MBNL2: variants seen among roughly 807,000 people sequenced by gnomAD.
The protein encoded by MBNL2 is muscleblind-like protein 2.
A neutral mutation model predicts 41.9 loss-of-function variants in MBNL2; 17 were observed. The observed-to-expected ratio is 0.41, with a 90% CI of 0.28 to 0.61. The LOEUF is 0.61. Among genes scored for constraint, MBNL2 ranks in the 20% least tolerant of loss-of-function variants. The probability of loss-of-function intolerance (pLI) is 0.35; values close to 1 mark genes in which losing one functional copy is unlikely to be tolerated. For synonymous variants in MBNL2, 195 were observed against 182.9 expected (o/e 1.07, Z -0.53); for missense variants, 336 against 505.6 (o/e 0.66, Z 3.22).
intron 8 of MBNL2, among the ~76,000 whole-genome samples, chr13:97,374,978 G>T (rs1484824898): frequency 2.0e-5 from 3 of 152,140 alleles, no homozygotes; most frequent in Non-Finnish European, 4.4e-5. Context: ...GCTGTGAGCG[G>T]AATGGAATTC....
the MBNL2 span, among the ~76,000 whole-genome samples, chr13:97,215,976 C>T: frequency 6.6e-6 from 1 of 152,182 alleles, no homozygotes; most frequent in South Asian, 2.1e-4. Context: ...ATGTTCTATG[C>T]TAAGGGAGTC....
At chr13:97,387,286 G>A (rs748540469) in intron 8 of MBNL2, among the ~76,000 whole-genome samples, 6 of 152,120 alleles carry the variant, frequency 3.9e-5, no homozygotes, top group Non-Finnish European at 8.8e-5. Context: ...GCGGCACTGT[G>A]GTGCGGTAGG....
intron 2 of MBNL2, among the ~76,000 whole-genome samples, chr13:97,297,714 G>A (rs2057204371): frequency 6.6e-6 from 1 of 152,200 alleles, no homozygotes; most frequent in African/African-American, 2.4e-5. Context: ...AGGCCTTGCT[G>A]CATGTTGAGG....
Position 97,394,052 on chromosome 13 carries a change from T to C in MBNL2, c.*2603T>C, listed in dbSNP as rs2153176282. The C allele has an allele frequency of 6.5e-6, 1 of 152,758 alleles. No homozygotes were observed. Among genetic ancestry groups the C allele is most frequent in the East Asian group, 1.9e-4 (1 of 5,182 alleles). 9.5% of individuals were successfully genotyped at this position (152,758 alleles called of 1,614,324 possible). On this transcript the variant is annotated 3_prime_UTR_variant, in exon 9 of 9. Transcript: ENST00000679496. ...GAGTCTAATTTGTATCAATACTATG[T>C]TTTGGTTGTAATATTCAGTTCACTC...
chr13:97,212,711 A>G, the MBNL2 span, among the ~76,000 whole-genome samples: 1 of 152,182 alleles, frequency 6.6e-6, no homozygotes, highest in Non-Finnish European at 1.5e-5. Context: ...ACACAATAGC[A>G]TTGTGCTTGA....
At chr13:97,298,684 A>C (rs1406999753) in intron 2 of MBNL2, among the ~76,000 whole-genome samples, 1 of 152,186 alleles carries the variant, frequency 6.6e-6, no homozygotes, top group Non-Finnish European at 1.5e-5. Context: ...TCTGTCAATA[A>C]ATCACCAATA....
At position 97,229,052 on chromosome 13, in the gene MBNL2, G is replaced by GTA. The variant is rs576675756; in HGVS notation, c.-605+6522_-605+6523dup. Among the ~76,000 whole-genome samples, 90 of 150,922 alleles carry GTA rather than the reference G, an allele frequency of 6.0e-4. 4 individuals carry two copies. In the South Asian group the frequency reaches 0.014, roughly 24 times the overall value. On this transcript the variant is annotated intron_variant, in intron 1 of 8. Coordinates refer to ENST00000679496, the MANE Select transcript of MBNL2 (RefSeq NM_001382683.1). Reference sequence around the variant, plus strand: ...CTTTTAATGGATGTTGCGTAATTGAGTAGAGCCCAACCCAAGCAATTTTGA... The same window carrying GTA: ...CTTTTAATGGATGTTGCGTAATTGAGTATAGAGCCCAACCCAAGCAATTTTGA...
the MBNL2 span, among the ~76,000 whole-genome samples, chr13:97,181,721 A>T: frequency 6.6e-6 from 1 of 152,226 alleles, no homozygotes; most frequent in Non-Finnish European, 1.5e-5. Context: ...ATTCAGTAAG[A>T]GGACAGCTAT....
At chr13:97,357,330 T>C in intron 6 of MBNL2, 152 bp from the exon 7 acceptor site, 1 of 645,360 alleles carries the variant, frequency 1.5e-6, no homozygotes, top group Non-Finnish European at 2.7e-6. Flanking sequence ...TCTCACTCAT[T>C]CGACATTGCC....
At chr13:97,219,634 G>A (rs749433101), upstream of MBNL2, among the ~76,000 whole-genome samples, 2 of 152,070 alleles carry the variant, frequency 1.3e-5, no homozygotes, top group East Asian at 1.9e-4. Context: ...AAATCCCATC[G>A]TGAAGACTCC....
rs552592588 is a variant in MBNL2 at position 97,364,631 on chromosome 13, A to T, written c.1013-505A>T. On this transcript the variant is annotated intron_variant, in intron 7 of 8. Coordinates refer to ENST00000679496, the MANE Select transcript of MBNL2 (RefSeq NM_001382683.1). ...AACATTTACAGTCAAACAAACAAGTAAACGTTTAATGCAGTAAGTTCAGTG... is the reference window on the plus strand; with the variant it reads ...AACATTTACAGTCAAACAAACAAGTTAACGTTTAATGCAGTAAGTTCAGTG... Among the ~76,000 whole-genome samples the T allele has an allele frequency of 5.8e-4, 89 of 152,340 alleles. 2 individuals carry two copies. In the South Asian group the frequency reaches 0.017, roughly 29 times the overall value.
At chr13:97,331,492 C>A (rs9584552) in intron 2 of MBNL2, among the ~76,000 whole-genome samples, 1 of 151,968 alleles carries the variant, frequency 6.6e-6, no homozygotes, top group Non-Finnish European at 1.5e-5. Flanking sequence ...TTATGCATCC[C>A]ATTATTATAC....
the MBNL2 span, among the ~76,000 whole-genome samples, chr13:97,181,633 T>C: frequency 6.6e-6 from 1 of 152,160 alleles, no homozygotes; most frequent in African/African-American, 2.4e-5. Flanking sequence ...TAGAAATTGG[T>C]TCAGCTTTTT....
At chr13:97,229,672 A>C (rs1434235525) in intron 1 of MBNL2, among the ~76,000 whole-genome samples, 1 of 152,096 alleles carries the variant, frequency 6.6e-6, no homozygotes, top group Non-Finnish European at 1.5e-5. Context: ...TTGACCTTGG[A>C]GATGGAGATG....
intron 2 of MBNL2, among the ~76,000 whole-genome samples, chr13:97,284,786 T>C (rs1858769504): frequency 6.6e-6 from 1 of 152,232 alleles, no homozygotes; most frequent in Admixed American, 6.5e-5. Context: ...CAAACTGGCG[T>C]TCCATGATTA....
At chr13:97,182,923 A>G in the MBNL2 span, among the ~76,000 whole-genome samples, 1 of 152,194 alleles carries the variant, frequency 6.6e-6, no homozygotes, top group South Asian at 2.1e-4. Flanking sequence ...ATTATGAGTT[A>G]CCCCAAGTAT....
chr13:97,292,290 G>A (rs2056278912), intron 2 of MBNL2, among the ~76,000 whole-genome samples: 1 of 151,464 alleles, frequency 6.6e-6, no homozygotes, highest in South Asian at 2.1e-4. Context: ...CATTTGCACT[G>A]CTGGTAATTT....
At chr13:97,368,303 C>T (rs933030500) in intron 8 of MBNL2, among the ~76,000 whole-genome samples, 14 of 151,768 alleles carry the variant, frequency 9.2e-5, no homozygotes, top group African/African-American at 3.4e-4. Flanking sequence ...GTCCCAGCTA[C>T]TTGGGAGGCT....
In MBNL2 at chr13:97,365,126, A is replaced by G. The variant is rs770928710; in HGVS notation, c.1013-10A>G. On this transcript the variant is annotated splice_polypyrimidine_tract_variant and intron_variant, in intron 7 of 8. Transcript: ENST00000679496. ...ATTCACTTTTTCCACCCACCATTGCATGACATCAGGGTCAGTTTTGTGCAT... is the reference window on the plus strand; with the variant it reads ...ATTCACTTTTTCCACCCACCATTGCGTGACATCAGGGTCAGTTTTGTGCAT... 6.3e-7 allele frequency: 1 copy of G among 1,593,210 alleles called. No homozygotes were observed. Among genetic ancestry groups the G allele is most frequent in the Non-Finnish European group, 8.6e-7 (1 of 1,160,868 alleles).
Sources: gnomAD v4.1 joint callset for allele counts (sites outside exome capture counted in the v4.1 genomes callset) on GRCh38, gnomAD v4.1.1 for gene constraint, MANE v1.5 for transcripts, NCBI Gene and HGNC (gene_info 2026-07-23, HGNC 2026-07-21) for gene names.